DLC1: variants seen among roughly 807,000 people sequenced by gnomAD.
DLC1 encodes rho GTPase-activating protein 7.
In DLC1, 54 loss-of-function variants were observed where a neutral mutation model predicts 140.3. That is an observed-to-expected ratio of 0.38 (90% CI 0.31 to 0.48). DLC1 has a LOEUF of 0.48. DLC1 is among the 20% of genes least tolerant of loss of function. The pLI, the probability that DLC1 is intolerant of heterozygous loss-of-function variation, is 0.96. For synonymous variants in DLC1, 986 were observed against 728.1 expected (o/e 1.35, Z -5.70); for missense variants, 2,536 against 1,907.0 (o/e 1.33, Z -6.14).
At chr8:13,420,859 A>C (rs2117344411) in intron 2 of DLC1, among the ~76,000 whole-genome samples, 1 of 152,178 alleles carries the variant, frequency 6.6e-6, no homozygotes, top group Admixed American at 6.6e-5. Context: ...AACCTGCTTA[A>C]TTTTAGGCCG....
chr8:13,213,671 T>C (rs939333941), intron 5 of DLC1, among the ~76,000 whole-genome samples: 1 of 152,224 alleles, frequency 6.6e-6, no homozygotes, highest in African/African-American at 2.4e-5. Flanking sequence ...ATCTTTTATG[T>C]ATCTTAGCCA....
At position 13,553,298 on chromosome 8, in the gene DLC1, A is replaced by G. The variant is rs1258689909; in HGVS notation, c.-126+51239T>C. ...TTTTAGATGAACTTTCTGTGCTCCTATATAAGGCCAATTTCTCCATGCATG... is the reference window on the plus strand; with the variant it reads ...TTTTAGATGAACTTTCTGTGCTCCTGTATAAGGCCAATTTCTCCATGCATG... On this transcript the variant is annotated intron_variant, in intron 1 of 1. Transcript: ENST00000631382. Among the ~76,000 whole-genome samples, 40 of 142,400 alleles carry G rather than the reference A, an allele frequency of 2.8e-4. No individual in the cohort carries two copies. The Admixed American group carries it at 2.9e-3, about 10-fold the overall frequency. The allele number at this position is 142,400 out of a possible 152,430, so 93.4% of individuals were successfully genotyped here.
chr8:13,088,627 G>C lies in DLC1; in HGVS notation c.4152C>G (p.Arg1384=). 2.5e-6 allele frequency: 4 copies of C among 1,614,138 alleles called. No homozygotes were observed. Among genetic ancestry groups the C allele is most frequent in the Non-Finnish European group, 3.4e-6 (4 of 1,180,046 alleles). Reference sequence around the variant, plus strand: ...CCCAGAGGTGCTGTTCTTTAAGTAGGCGCTTTAAGATTTCCTCTGGCACAG... The same window carrying C: ...CCCAGAGGTGCTGTTCTTTAAGTAGCCGCTTTAAGATTTCCTCTGGCACAG... The part of the protein sequence containing the change: ...VPAVPEEILK[R]LLKEQHLWDV... The change falls in exon 16 of 18, where the codon CGC becomes CGG. Residue 1384 remains arginine, a synonymous_variant. Coordinates refer to ENST00000276297, the MANE Select transcript of DLC1 (RefSeq NM_182643.3).
At chr8:13,419,895 G>C (rs188580276) in intron 2 of DLC1, among the ~76,000 whole-genome samples, 30 of 152,312 alleles carry the variant, frequency 2.0e-4, no homozygotes, top group African/African-American at 7.2e-4. Flanking sequence ...TTCAGATCCT[G>C]TTATTGGTCT....
intron 2 of DLC1, among the ~76,000 whole-genome samples, chr8:13,444,275 G>A (rs1798678618): frequency 6.6e-6 from 1 of 152,124 alleles, no homozygotes; most frequent in Non-Finnish European, 1.5e-5. Flanking sequence ...ACAGGGTGGG[G>A]AACATCACAC....
intron 1 of DLC1, among the ~76,000 whole-genome samples, chr8:13,569,105 T>C (rs1186869769): frequency 6.6e-6 from 1 of 152,206 alleles, no homozygotes; most frequent in Non-Finnish European, 1.5e-5. Context: ...AGGAATACCA[T>C]GGCATTTTGA....
Position 13,558,962 on chromosome 8 carries a change from C to A in DLC1, c.-126+45575G>T, listed in dbSNP as rs1804149144. 2.6e-5 allele frequency: 4 copies of A among 152,174 alleles called. 1 individual carries two copies. In the South Asian group the frequency reaches 8.3e-4, roughly 32 times the overall value. The allele number at this position is 152,174 out of a possible 1,614,324, so 9.4% of individuals were successfully genotyped here. ...AAAAGGCAGACAAAACAAAACAAAACATTCTTGCAAACATAGCAGAAGCTG... is the reference window on the plus strand; with the variant it reads ...AAAAGGCAGACAAAACAAAACAAAAAATTCTTGCAAACATAGCAGAAGCTG... On this transcript the variant is annotated intron_variant, in intron 1 of 1. Transcript: ENST00000631382.
At chr8:13,268,763 C>G (rs372830813) in intron 5 of DLC1, among the ~76,000 whole-genome samples, 11 of 151,856 alleles carry the variant, frequency 7.2e-5, no homozygotes, top group African/African-American at 2.7e-4. Flanking sequence ...ATAGGATACT[C>G]TTGGCTCCAT....
chr8:13,258,099 T>C (rs763596045), intron 5 of DLC1, among the ~76,000 whole-genome samples: 3 of 152,194 alleles, frequency 2.0e-5, no homozygotes, highest in Non-Finnish European at 2.9e-5. Context: ...GTGGCTGCTA[T>C]CTCAACTTGA....
intron 1 of DLC1, among the ~76,000 whole-genome samples, chr8:13,504,623 A>G (rs979691823): frequency 1.3e-5 from 2 of 152,194 alleles, no homozygotes; most frequent in African/African-American, 4.8e-5. Flanking sequence ...ATGTAATCGG[A>G]GAAAGAGAAA....
chr8:13,235,920 C>T (rs1006224693), intron 5 of DLC1, among the ~76,000 whole-genome samples: 11 of 151,680 alleles, frequency 7.3e-5, no homozygotes, highest in African/African-American at 2.7e-4. Context: ...AGAGCTTTTG[C>T]TACTTATTAT....
At chr8:13,148,618 G>T (rs1024963998) in intron 5 of DLC1, among the ~76,000 whole-genome samples, 8 of 152,004 alleles carry the variant, frequency 5.3e-5, no homozygotes, top group East Asian at 1.9e-4. Context: ...AGGCATGCTG[G>T]CATTTCCTCC....
chr8:13,444,311 T>A (rs564145782), intron 2 of DLC1, among the ~76,000 whole-genome samples: 1 of 151,852 alleles, frequency 6.6e-6, no homozygotes, highest in South Asian at 2.1e-4. Context: ...GTGGTGCGGG[T>A]TGGGGGAGGG....
At chr8:13,412,510 T>C (rs1235184944) in intron 2 of DLC1, among the ~76,000 whole-genome samples, 1 of 152,096 alleles carries the variant, frequency 6.6e-6, no homozygotes, top group Non-Finnish European at 1.5e-5. Flanking sequence ...TTACTATCAA[T>C]AGAAAATTTT....
At chr8:13,343,471 T>C (rs1834169733) in intron 4 of DLC1, among the ~76,000 whole-genome samples, 1 of 152,210 alleles carries the variant, frequency 6.6e-6, no homozygotes, top group African/African-American at 2.4e-5. Flanking sequence ...AAATAAAAGT[T>C]ACAAGATGGG....
chr8:13,356,089 CAAAAAA>C (rs372991073), intron 4 of DLC1, among the ~76,000 whole-genome samples: 1 of 53,362 alleles, frequency 1.9e-5, no homozygotes, highest in African/African-American at 7.9e-5. Context: ...GACTCCATCT[CAAAAAA>C]AAAAAAAAAA....
At chr8:13,467,600 A>G (rs886610624) in intron 2 of DLC1, among the ~76,000 whole-genome samples, 4 of 152,084 alleles carry the variant, frequency 2.6e-5, no homozygotes, top group African/African-American at 9.7e-5. Context: ...GTGTGATGGT[A>G]CGTGCCTATG....
intron 2 of DLC1, among the ~76,000 whole-genome samples, chr8:13,455,700 C>T (rs1027193132): frequency 4.6e-5 from 7 of 152,130 alleles, no homozygotes; most frequent in Non-Finnish European, 2.9e-5. Flanking sequence ...GTTGTCATTT[C>T]AGTCAAGTTG....
chr8:13,146,998 G>A (rs1035740415), intron 5 of DLC1, among the ~76,000 whole-genome samples: 2 of 152,132 alleles, frequency 1.3e-5, no homozygotes, highest in Admixed American at 1.3e-4. Context: ...GAAGACAAAA[G>A]CTTCTCTAAA....
Sources: gnomAD v4.1 joint callset for allele counts (sites outside exome capture counted in the v4.1 genomes callset) on GRCh38, gnomAD v4.1.1 for gene constraint, MANE v1.5 for transcripts, NCBI Gene and HGNC (gene_info 2026-07-23, HGNC 2026-07-21) for gene names.